The following CSMD1 variants were observed in gnomAD, a reference collection of about 807,000 sequenced individuals.
The protein encoded by CSMD1 is CUB and Sushi multiple domains 1.
CSMD1 carries 213 observed loss-of-function variants against 417.5 expected under a neutral mutation model. The ratio of observed to expected loss-of-function variants is 0.51; its 90% CI spans 0.46 to 0.57. The LOEUF (loss-of-function observed/expected upper bound fraction) is 0.57. CSMD1 is among the 20% of genes least tolerant of loss of function. The probability of loss-of-function intolerance (pLI) is 0.00; values close to 1 mark genes in which losing one functional copy is unlikely to be tolerated. For missense variants in CSMD1, 6,923 were observed against 4,529.7 expected (o/e 1.53, Z -15.17); for synonymous variants, 2,862 against 1,736.8 (o/e 1.65, Z -16.11).
intron 5 of CSMD1, among the ~76,000 whole-genome samples, chr8:3,987,979 T>C (rs1365370948): frequency 6.6e-6 from 1 of 152,230 alleles, no homozygotes; most frequent in Non-Finnish European, 1.5e-5. Context: ...CTCAACTTTT[T>C]AACTCAATTT....
intron 7 of CSMD1, among the ~76,000 whole-genome samples, chr8:3,677,613 G>T (rs758051594): frequency 1.3e-5 from 2 of 152,122 alleles, no homozygotes; most frequent in African/African-American, 2.4e-5. Flanking sequence ...TCTGAGTTTA[G>T]AACCTCTCTT....
intron 2 of CSMD1, among the ~76,000 whole-genome samples, chr8:4,430,414 T>A (rs551636202): frequency 6.6e-6 from 1 of 152,174 alleles, no homozygotes; most frequent in East Asian, 1.9e-4. Flanking sequence ...GGTTATGACA[T>A]AGTCTACCTT....
intron 5 of CSMD1, among the ~76,000 whole-genome samples, chr8:3,892,196 G>C (rs3102406): frequency 1.3e-5 from 2 of 152,214 alleles, no homozygotes; most frequent in African/African-American, 4.8e-5. Context: ...CCAATGTGTA[G>C]CCCTATTTTA....
intron 1 of CSMD1, among the ~76,000 whole-genome samples, chr8:4,878,529 T>C (rs1190208624): frequency 6.6e-6 from 1 of 151,824 alleles, no homozygotes; most frequent in Non-Finnish European, 1.5e-5. Flanking sequence ...TTATTCAGAA[T>C]GATTATTTCT....
intron 3 of CSMD1, among the ~76,000 whole-genome samples, chr8:4,232,228 C>T (rs1196290157): frequency 6.6e-6 from 1 of 152,162 alleles, no homozygotes. Context: ...CAGAGTCTCG[C>T]TCTGTCAGTC....
intron 2 of CSMD1, among the ~76,000 whole-genome samples, chr8:4,561,730 G>A (rs1299357549): frequency 1.3e-5 from 2 of 152,260 alleles, no homozygotes; most frequent in South Asian, 2.1e-4. Context: ...AAGAAAAAGA[G>A]AACATCACTG....
chr8:4,010,409 A>G (rs1400194999), intron 4 of CSMD1, among the ~76,000 whole-genome samples: 1 of 152,116 alleles, frequency 6.6e-6, no homozygotes, highest in Non-Finnish European at 1.5e-5. Flanking sequence ...ACCTCTGCAC[A>G]AATTCTCGGT....
At chr8:3,478,780 T>C (rs918316780) in intron 11 of CSMD1, among the ~76,000 whole-genome samples, 2 of 152,138 alleles carry the variant, frequency 1.3e-5, no homozygotes, top group Non-Finnish European at 2.9e-5. Context: ...TCATGTTCCT[T>C]GTGGTCCCAG....
chr8:4,030,929 C>T (rs758546858), intron 4 of CSMD1, among the ~76,000 whole-genome samples: 9 of 152,164 alleles, frequency 5.9e-5, no homozygotes, highest in African/African-American at 9.7e-5. Context: ...GGGCAAAATG[C>T]CATCAGTCTT....
intron 12 of CSMD1, among the ~76,000 whole-genome samples, chr8:3,430,805 TCAA>T (rs1347897327): frequency 2.6e-5 from 4 of 152,130 alleles, no homozygotes; most frequent in African/African-American, 9.7e-5. Context: ...AGACTCCATT[TCAA>T]CAACAACAAC....
intron 37 of CSMD1, among the ~76,000 whole-genome samples, chr8:3,164,689 G>C (rs1292467450): frequency 1.3e-5 from 2 of 152,048 alleles, no homozygotes; most frequent in South Asian, 2.1e-4. Context: ...GTGATACTAA[G>C]TCATCGTCAT....
At chr8:3,756,350 C>T (rs1464075366) in intron 5 of CSMD1, among the ~76,000 whole-genome samples, 1 of 73,024 alleles carries the variant, frequency 1.4e-5, no homozygotes, top group Non-Finnish European at 2.8e-5. Context: ...GAGACTCCAT[C>T]TCAAAAAAAA....
intron 5 of CSMD1, among the ~76,000 whole-genome samples, chr8:3,816,403 C>T (rs913895376): frequency 1.3e-5 from 2 of 152,120 alleles, no homozygotes; most frequent in Non-Finnish European, 2.9e-5. Flanking sequence ...AGAAGCAGAC[C>T]ACATTCACAT....
intron 5 of CSMD1, among the ~76,000 whole-genome samples, chr8:3,767,427 G>C (rs1563058698): frequency 6.6e-6 from 1 of 152,290 alleles, no homozygotes; most frequent in African/African-American, 2.4e-5. Context: ...TTCATTGTGT[G>C]AATAACGATA....
intron 25 of CSMD1, among the ~76,000 whole-genome samples, chr8:3,293,325 A>T (rs981609601): frequency 6.6e-6 from 1 of 151,824 alleles, no homozygotes; most frequent in Non-Finnish European, 1.5e-5. Flanking sequence ...CTTCTCGAGG[A>T]GTATCTTTGT....
chr8:3,751,368 ATAAAT>A (rs1179989230), intron 6 of CSMD1, among the ~76,000 whole-genome samples: 1 of 148,120 alleles, frequency 6.8e-6, no homozygotes, highest in Admixed American at 6.8e-5. Context: ...ACATCTATAT[ATAAAT>A]TATTTATATA....
intron 12 of CSMD1, among the ~76,000 whole-genome samples, chr8:3,431,274 C>G (rs191616650): frequency 1.3e-5 from 2 of 152,270 alleles, no homozygotes; most frequent in East Asian, 3.9e-4. Flanking sequence ...GTGCAGATGT[C>G]ACACCTGGGC....
chr8:4,325,477 C>G (rs1424788403), intron 3 of CSMD1, among the ~76,000 whole-genome samples: 1 of 152,152 alleles, frequency 6.6e-6, no homozygotes, highest in Non-Finnish European at 1.5e-5. Flanking sequence ...CTTTCAAGCG[C>G]TTCCTGTGGC....
chr8:4,283,746 T>C (rs1179956076), intron 3 of CSMD1, among the ~76,000 whole-genome samples: 1 of 150,888 alleles, frequency 6.6e-6, no homozygotes, highest in East Asian at 2.0e-4. Context: ...GCATGAGTGT[T>C]TTATCATATT....
Sources: allele counts gnomAD v4.1 joint callset (sites outside exome capture counted in the v4.1 genomes callset), GRCh38; gene constraint gnomAD v4.1.1; transcripts MANE v1.5; gene names NCBI Gene and HGNC (gene_info 2026-07-23, HGNC 2026-07-21).